Variants in NCKAP5 observed in about 807,000 individuals in gnomAD.
NCKAP5 encodes NCK associated protein 5, also known as nck-associated protein 5.
Under a neutral mutation model 167.0 loss-of-function variants are expected in NCKAP5, and 92 were observed. The ratio of observed to expected loss-of-function variants is 0.55; its 90% CI spans 0.47 to 0.66. NCKAP5 has a LOEUF of 0.66. Among genes scored for constraint, NCKAP5 ranks in the 30% least tolerant of loss-of-function variants. The pLI is 0.00. For synonymous variants in NCKAP5, 891 were observed against 877.4 expected (o/e 1.02, Z -0.27); for missense variants, 2,378 against 2,315.0 (o/e 1.03, Z -0.56).
rs533700558 is a variant in NCKAP5, at chr2:132,897,595, C to A, written c.580-18679G>T. ...GTCTGGCAGCATCCCTGGCCTCTAC[C>A]CACTATCTACAGACATACCTTGGGG... On this transcript the variant is annotated intron_variant, in intron 8 of 19. Coordinates refer to ENST00000409261, the MANE Select transcript of NCKAP5 (RefSeq NM_207363.3). 4.6e-5 allele frequency among the ~76,000 whole-genome samples: 7 copies of A among 152,098 alleles called. No homozygotes were observed. In the South Asian group the frequency reaches 1.5e-3, roughly 32 times the overall value.
intron 16 of NCKAP5, among the ~76,000 whole-genome samples, chr2:132,747,781 T>C (rs1441112638): frequency 6.6e-6 from 1 of 152,238 alleles, no homozygotes; most frequent in African/African-American, 2.4e-5. Context: ...CATTATGCAA[T>C]GTGTAATGGA....
At chr2:132,724,278 A>G (rs534309458) in intron 19 of NCKAP5, among the ~76,000 whole-genome samples, 8 of 152,302 alleles carry the variant, frequency 5.3e-5, no homozygotes, top group Non-Finnish European at 8.8e-5. Context: ...ATCTCCCATG[A>G]ACGAACTATA....
chr2:133,125,154 A>T (rs1368279035), intron 6 of NCKAP5, among the ~76,000 whole-genome samples: 1 of 152,064 alleles, frequency 6.6e-6, no homozygotes, highest in Non-Finnish European at 1.5e-5. Context: ...TATATATATG[A>T]AATTGGTACT....
intron 6 of NCKAP5, among the ~76,000 whole-genome samples, chr2:133,102,528 C>A (rs1012072494): frequency 2.0e-5 from 3 of 151,918 alleles, no homozygotes; most frequent in Admixed American, 6.6e-5. Flanking sequence ...AAGAAAAAAA[C>A]CGTTTTGTTA....
intron 3 of NCKAP5, among the ~76,000 whole-genome samples, chr2:133,459,426 G>C (rs13011496): frequency 0.14 from 21,307 of 152,044 alleles, 1,680 homozygotes; most frequent in Non-Finnish European, 0.19. Context: ...GGTTCTTATA[G>C]GGTTCCTCTG....
the NCKAP5 span, among the ~76,000 whole-genome samples, chr2:133,639,488 C>T: frequency 1.3e-5 from 2 of 152,202 alleles, no homozygotes; most frequent in Non-Finnish European, 2.9e-5. Context: ...CTGCACTTTT[C>T]ATAGTTTTCC....
the NCKAP5 span, among the ~76,000 whole-genome samples, chr2:133,600,753 T>C: frequency 1.3e-5 from 2 of 152,206 alleles, no homozygotes; most frequent in African/African-American, 4.8e-5. Flanking sequence ...TCACAGGCCC[T>C]GATGTGCGAA....
intron 3 of NCKAP5, among the ~76,000 whole-genome samples, chr2:133,370,586 AG>A (rs1357287949): frequency 6.6e-6 from 1 of 152,210 alleles, no homozygotes; most frequent in Non-Finnish European, 1.5e-5. Flanking sequence ...CAAGAAAATA[AG>A]ACCCCTTTCA....
intron 3 of NCKAP5, among the ~76,000 whole-genome samples, chr2:133,325,002 C>T (rs900720709): frequency 6.6e-6 from 1 of 152,214 alleles, no homozygotes; most frequent in Non-Finnish European, 1.5e-5. Flanking sequence ...GCCACCACGC[C>T]CAGCCTGCCA....
At chr2:133,020,576 G>A (rs2078491596) in intron 6 of NCKAP5, among the ~76,000 whole-genome samples, 1 of 152,246 alleles carries the variant, frequency 6.6e-6, no homozygotes, top group Non-Finnish European at 1.5e-5. Context: ...ACTTCAAGAA[G>A]AGATGCTGGT....
chr2:132,974,969 G>A (rs972974017), intron 7 of NCKAP5, among the ~76,000 whole-genome samples: 3 of 152,206 alleles, frequency 2.0e-5, no homozygotes, highest in African/African-American at 7.2e-5. Flanking sequence ...TTCAGCTTCT[G>A]TGATTTATTT....
chr2:132,883,417 A>G (rs1574509333), intron 8 of NCKAP5, among the ~76,000 whole-genome samples: 2 of 152,246 alleles, frequency 1.3e-5, no homozygotes, highest in African/African-American at 4.8e-5. Context: ...TCCTTAATGG[A>G]TAATGGCTGG....
At chr2:133,018,501 A>G (rs571265594) in intron 6 of NCKAP5, among the ~76,000 whole-genome samples, 2 of 152,350 alleles carry the variant, frequency 1.3e-5, no homozygotes, top group African/African-American at 2.4e-5. Flanking sequence ...TTTAATATCT[A>G]CTACTTAGAT....
At chr2:132,935,074 G>A (rs1183707325) in intron 8 of NCKAP5, among the ~76,000 whole-genome samples, 2 of 152,174 alleles carry the variant, frequency 1.3e-5, no homozygotes, top group East Asian at 3.8e-4. Flanking sequence ...GTATTTAATT[G>A]ATTTTAGGTC....
chr2:132,895,620 C>T (rs992466887), intron 8 of NCKAP5, among the ~76,000 whole-genome samples: 3 of 151,976 alleles, frequency 2.0e-5, no homozygotes, highest in African/African-American at 7.2e-5. Flanking sequence ...ATGACAATGA[C>T]AGTCAACAGG....
chr2:133,487,494 G>T (rs895900161), intron 3 of NCKAP5, among the ~76,000 whole-genome samples: 2 of 152,142 alleles, frequency 1.3e-5, no homozygotes, highest in Non-Finnish European at 2.9e-5. Context: ...CCATAGAATG[G>T]TCAGGGGGTG....
At chr2:132,732,956 T>C (rs1426658810) in intron 16 of NCKAP5, among the ~76,000 whole-genome samples, 3 of 152,190 alleles carry the variant, frequency 2.0e-5, no homozygotes, top group Non-Finnish European at 4.4e-5. Flanking sequence ...TTTCTTTCAC[T>C]CTCACTTTAT....
At chr2:132,841,430 A>T (rs1688287940) in intron 11 of NCKAP5, among the ~76,000 whole-genome samples, 1 of 152,116 alleles carries the variant, frequency 6.6e-6, no homozygotes, top group Non-Finnish European at 1.5e-5. Context: ...TTTTTATTAG[A>T]GATTATTTCT....
chr2:133,538,930 GGT>G (rs1685978812), intron 2 of NCKAP5, among the ~76,000 whole-genome samples: 2 of 104,574 alleles, frequency 1.9e-5, no homozygotes, highest in South Asian at 3.4e-4. Context: ...GGTTTTTTTG[GGT>G]TTTTTTTTTT....
Sources: gnomAD v4.1 joint callset for allele counts (sites outside exome capture counted in the v4.1 genomes callset) on GRCh38, gnomAD v4.1.1 for gene constraint, MANE v1.5 for transcripts, NCBI Gene and HGNC (gene_info 2026-07-23, HGNC 2026-07-21) for gene names.